GTPBP4: variants seen among roughly 807,000 people sequenced by gnomAD.
GTPBP4 encodes GTP-binding protein 4.
Under a neutral mutation model 81.7 loss-of-function variants are expected in GTPBP4, and 15 were observed. That is an observed-to-expected ratio of 0.18 (90% CI 0.12 to 0.28). The LOEUF is 0.28. GTPBP4 is among the 10% of genes least tolerant of loss of function. The probability of loss-of-function intolerance (pLI) is 1.00; values close to 1 mark genes in which losing one functional copy is unlikely to be tolerated. For missense variants in GTPBP4, 847 were observed against 793.8 expected, an observed-to-expected ratio of 1.07 and a Z score of -0.81; for synonymous variants, 272 against 274.6, an observed-to-expected ratio of 0.99 and a Z score of 0.09.
At chr10:989,633 G>A in intron 1 of GTPBP4, among the ~76,000 whole-genome samples, 1 of 152,250 alleles carries the variant, frequency 6.6e-6, no homozygotes, top group East Asian at 1.9e-4. Flanking sequence ...AGCTTTGTGG[G>A]AGTCTCGTAT....
Position 992,603 on chromosome 10 carries a change from C to G in GTPBP4, c.163C>G (p.Gln55Glu), listed in dbSNP as rs751616017. 3.1e-6 allele frequency: 5 copies of G among 1,605,572 alleles called. No individual in the cohort carries two copies. Among genetic ancestry groups the G allele is most frequent in the Admixed American group, 3.3e-5 (2 of 59,898 alleles). The change falls in exon 2 of 17, where the codon CAA becomes GAA. Residue 55 changes from glutamine (Q) to glutamate (E), a missense_variant. Physicochemically the swap from Gln to Glu is conservative, Grantham distance 29. Transcript: ENST00000360803. ...HFYMRKVKFT[Q>E]QNYHDRLSQI... Reference sequence around the variant, plus strand: ...TTACATGAGAAAAGTCAAATTTACTCAACAGAATTACCATGATAGACTTTC... The same window carrying G: ...TTACATGAGAAAAGTCAAATTTACTGAACAGAATTACCATGATAGACTTTC...
chr10:997,245 G>T lies in GTPBP4; in HGVS notation c.498G>T (p.Pro166=), dbSNP rs531064521. ...TATCCCGTTTGCCAACCATTGATCC[G>T]AATACCAGGACCCTGCTTTTGTGTG... ...QHLSRLPTID[P]NTRTLLLCGY... The change falls in exon 5 of 17, where the codon CCG becomes CCT. Residue 166 remains proline (P), a synonymous_variant. Coordinates refer to ENST00000360803, the MANE Select transcript of GTPBP4 (RefSeq NM_012341.3). The T allele has an allele frequency of 6.2e-7, 1 of 1,608,652 alleles. No individual in the cohort carries two copies. Among genetic ancestry groups the T allele is most frequent in the South Asian group, 1.1e-5 (1 of 90,942 alleles).
intron 1 of GTPBP4, among the ~76,000 whole-genome samples, chr10:991,039 G>A (rs1831432883): frequency 1.3e-5 from 2 of 151,936 alleles, no homozygotes; most frequent in African/African-American, 4.8e-5. Context: ...TGTCTCACTT[G>A]TAGGCCCAGA....
intron 8 of GTPBP4, among the ~76,000 whole-genome samples, chr10:1,005,290 C>T (rs558142466): frequency 4.6e-5 from 7 of 152,134 alleles, no homozygotes; most frequent in East Asian, 1.9e-4. Flanking sequence ...GGACTACAGG[C>T]GGCCGCCACC....
At chr10:989,255 C>T (rs1269605325) in intron 1 of GTPBP4, among the ~76,000 whole-genome samples, 1 of 151,564 alleles carries the variant, frequency 6.6e-6, no homozygotes, top group Non-Finnish European at 1.5e-5. Context: ...ACAGGGATTA[C>T]AGTCGTGCAC....
At chr10:999,174 AG>A in intron 6 of GTPBP4, 79 bp downstream of exon 6, 1 of 806,804 alleles carries the variant, frequency 1.2e-6, no homozygotes, top group South Asian at 1.4e-5. Context: ...GCTGGAGTGC[AG>A]TGGCATGATC....
In GTPBP4 at chr10:988,536, C is replaced by T. The variant is rs1382076570; in HGVS notation, c.48+9C>T. The stretch of plus-strand genomic sequence containing the variant: ...TGGTGCCGTCCGCCAAGGTAGGCGG[C>T]CCCGGGAGGGCCACTGCAACTTTCG... On this transcript the variant is annotated intron_variant, in intron 1 of 16. Transcript: ENST00000360803. 2 of 1,605,846 alleles carry T rather than the reference C, an allele frequency of 1.2e-6. No homozygotes were observed. Among genetic ancestry groups the T allele is most frequent in the African/African-American group, 2.7e-5 (2 of 74,798 alleles).
chr10:988,629 C>T (rs1831384433), intron 1 of GTPBP4, 102 bp downstream of exon 1: 5 of 845,006 alleles, frequency 5.9e-6, no homozygotes, highest in Middle Eastern at 3.2e-4. Flanking sequence ...TCGCCTTCCG[C>T]TCGCCCATCC....
intron 5 of GTPBP4, among the ~76,000 whole-genome samples, chr10:997,803 T>C (rs1224441134): frequency 1.3e-5 from 2 of 152,202 alleles, no homozygotes; most frequent in Non-Finnish European, 2.9e-5. Flanking sequence ...CCTTGGTTGC[T>C]GTGTCAGCTT....
In GTPBP4 at chr10:996,365, A is replaced by G. The variant is rs1307472093; in HGVS notation, c.460+123A>G. The stretch of plus-strand genomic sequence containing the variant: ...GATGACAGGGTCAGTTATTCTTCCT[A>G]GCTTTACCTATGAGAAACAGTAATA... On this transcript the variant is annotated intron_variant, in intron 4 of 16. Transcript: ENST00000360803. 6.8e-6 allele frequency: 5 copies of G among 740,430 alleles called. No individual in the cohort carries two copies. The East Asian group carries it at 1.4e-4, about 20-fold the overall frequency. 45.9% of individuals were successfully genotyped at this position (740,430 alleles called of 1,614,324 possible).
chr10:1,006,861 C>T (rs901677894), intron 9 of GTPBP4, among the ~76,000 whole-genome samples, 157 bp from the exon 10 acceptor site: 2 of 152,144 alleles, frequency 1.3e-5, no homozygotes, highest in African/African-American at 4.8e-5. Context: ...CCCTCAGGGC[C>T]GCTTCCACCT....
chr10:1,010,764 CTGGTGGAGATG>C (rs1831841128), intron 13 of GTPBP4, among the ~76,000 whole-genome samples: 1 of 144,792 alleles, frequency 6.9e-6, no homozygotes. Context: ...CCCGGACACT[CTGGTGGAGATG>C]CTGGGCCCCT....
At chr10:1,008,475 G>A (rs1316267691) in intron 10 of GTPBP4, 4 of 314,354 alleles carry the variant, frequency 1.3e-5, no homozygotes, top group South Asian at 5.5e-5. Flanking sequence ...CGTGTCTTGA[G>A]TTGGTTATGT....
At chr10:990,597 C>T (rs952029868) in intron 1 of GTPBP4, among the ~76,000 whole-genome samples, 3 of 151,306 alleles carry the variant, frequency 2.0e-5, no homozygotes, top group Non-Finnish European at 4.4e-5. Flanking sequence ...GTGGCGGGCG[C>T]CTGTAGTCCC....
chr10:1,014,150 T>G, intron 14 of GTPBP4, 97 bp from the exon 15 acceptor site: 1 of 703,784 alleles, frequency 1.4e-6, no homozygotes, highest in East Asian at 2.9e-5. Flanking sequence ...TATATTATAA[T>G]TGTTGCAAAA....
intron 16 of GTPBP4, 25 bp downstream of exon 16, chr10:1,015,921 A>G: frequency 1.9e-6 from 3 of 1,583,428 alleles, no homozygotes; most frequent in Non-Finnish European, 2.6e-6. Context: ...TGTGTAATGT[A>G]ATAAAATGAC....
In GTPBP4 at chr10:1,018,468, T is replaced by TC. The variant is rs1399523281; in HGVS notation, c.*1243dup. The stretch of plus-strand genomic sequence containing the variant: ...CAGGTCTGGTTTTTGAAATTCTTTC[T>TC]CCGTATTAAACACCAAAACTTAACA... On this transcript the variant is annotated 3_prime_UTR_variant, in exon 17 of 17. Transcript: ENST00000360803. 1 of 150,652 alleles carries TC rather than the reference T, an allele frequency of 6.6e-6. No homozygotes were observed. Among genetic ancestry groups the TC allele is most frequent in the Non-Finnish European group, 1.5e-5 (1 of 67,798 alleles). 9.3% of individuals were successfully genotyped at this position (150,652 alleles called of 1,614,324 possible).
intron 9 of GTPBP4, among the ~76,000 whole-genome samples, 178 bp downstream of exon 9, chr10:1,006,085 T>C (rs1225531923): frequency 6.6e-6 from 1 of 152,340 alleles, no homozygotes; most frequent in East Asian, 1.9e-4. Flanking sequence ...AAGACCCACT[T>C]TGCCCCCCGT....
At position 988,542 on chromosome 10, in the gene GTPBP4, G is replaced by A. The variant is rs938155099; in HGVS notation, c.48+15G>A. 1 of 1,601,368 alleles carries A rather than the reference G, an allele frequency of 6.2e-7. No individual in the cohort carries two copies. The highest frequency in any genetic ancestry group is 8.6e-7 in the Non-Finnish European group (1 of 1,169,346). On this transcript the variant is annotated intron_variant, in intron 1 of 16. Coordinates refer to ENST00000360803, the MANE Select transcript of GTPBP4 (RefSeq NM_012341.3). ...CGTCCGCCAAGGTAGGCGGCCCCGG[G>A]AGGGCCACTGCAACTTTCGCGTTCT...
Sources: allele counts gnomAD v4.1 joint callset (sites outside exome capture counted in the v4.1 genomes callset), GRCh38; gene constraint gnomAD v4.1.1; transcripts MANE v1.5; gene names NCBI Gene and HGNC (gene_info 2026-07-23, HGNC 2026-07-21).